Variants in HAO1 observed in about 807,000 individuals in gnomAD.
HAO1 encodes 2-Hydroxyacid oxidase 1.
A neutral mutation model predicts 39.7 loss-of-function variants in HAO1; 34 were observed. The observed-to-expected ratio is 0.86, with a 90% CI of 0.65 to 1.14. The LOEUF (loss-of-function observed/expected upper bound fraction) is 1.14, where lower values mean the gene tolerates loss of function less well. HAO1 is among the 50% of genes most tolerant of loss of function. HAO1 has a pLI of 0.00. For missense variants in HAO1, 479 were observed against 464.5 expected (o/e 1.03, Z -0.29); for synonymous variants, 172 against 173.2 (o/e 0.99, Z 0.05).
intron 2 of HAO1, among the ~76,000 whole-genome samples, chr20:7,920,695 G>T (rs2050327064): frequency 6.6e-6 from 1 of 151,952 alleles, no homozygotes; most frequent in African/African-American, 2.4e-5. Flanking sequence ...TATCCATGTT[G>T]TTACAGAATT....
chr20:7,928,593 A>T (rs2050371693), intron 2 of HAO1, among the ~76,000 whole-genome samples: 1 of 151,682 alleles, frequency 6.6e-6, no homozygotes, highest in Admixed American at 6.6e-5. Flanking sequence ...TATCACACCT[A>T]AGTTCTGTAA....
chr20:7,895,469 T>C (rs531770487), intron 4 of HAO1, among the ~76,000 whole-genome samples: 1 of 152,110 alleles, frequency 6.6e-6, no homozygotes, highest in African/African-American at 2.4e-5. Context: ...AAAGTATCAA[T>C]AGATAATACA....
intron 2 of HAO1, among the ~76,000 whole-genome samples, chr20:7,931,122 T>C (rs1175307165): frequency 1.3e-5 from 2 of 152,228 alleles, no homozygotes; most frequent in East Asian, 1.9e-4. Flanking sequence ...GAAACTCTGA[T>C]GTTGCTGCCC....
chr20:7,938,372 T>C (rs969544030), intron 1 of HAO1, among the ~76,000 whole-genome samples: 2 of 136,102 alleles, frequency 1.5e-5, no homozygotes, highest in Admixed American at 1.5e-4. Flanking sequence ...CAAAGAAAGT[T>C]GATTGATTTT....
intron 1 of HAO1, among the ~76,000 whole-genome samples, chr20:7,936,647 C>G (rs926753226): frequency 2.0e-5 from 3 of 151,922 alleles, no homozygotes; most frequent in African/African-American, 7.3e-5. Flanking sequence ...CAGACAGTGG[C>G]TTTACACTTG....
intron 2 of HAO1, among the ~76,000 whole-genome samples, chr20:7,915,686 T>G (rs1267178875): frequency 2.0e-5 from 3 of 152,226 alleles, no homozygotes; most frequent in African/African-American, 7.2e-5. Context: ...CTATTAATTC[T>G]GTTTCTCTGG....
chr20:7,913,176 T>G (rs1323133246), intron 3 of HAO1, among the ~76,000 whole-genome samples: 2 of 150,972 alleles, frequency 1.3e-5, no homozygotes, highest in African/African-American at 2.4e-5. Context: ...TTTTGTTTTT[T>G]TTTTTTTTTC....
At chr20:7,922,925 C>T (rs2050341314) in intron 2 of HAO1, among the ~76,000 whole-genome samples, 1 of 152,092 alleles carries the variant, frequency 6.6e-6, no homozygotes, top group Non-Finnish European at 1.5e-5. Flanking sequence ...GGGCTACGGC[C>T]AGTGGCATGA....
chr20:7,939,004 C>T (rs989418992), intron 1 of HAO1, among the ~76,000 whole-genome samples: 8 of 152,086 alleles, frequency 5.3e-5, no homozygotes, highest in African/African-American at 9.7e-5. Flanking sequence ...GTTGTAATAA[C>T]CTATTTGGGT....
At chr20:7,921,406 T>C (rs1435577439) in intron 2 of HAO1, among the ~76,000 whole-genome samples, 1 of 152,148 alleles carries the variant, frequency 6.6e-6, no homozygotes, top group African/African-American at 2.4e-5. Flanking sequence ...CACAATGATA[T>C]ACCATCTCAT....
intron 7 of HAO1, among the ~76,000 whole-genome samples, chr20:7,884,939 A>G (rs1453762649): frequency 6.6e-6 from 1 of 152,172 alleles, no homozygotes; most frequent in Non-Finnish European, 1.5e-5. Context: ...GGGATGAGAG[A>G]CAATGATGGC....
At chr20:7,921,592 C>A (rs545199791) in intron 2 of HAO1, among the ~76,000 whole-genome samples, 3 of 152,220 alleles carry the variant, frequency 2.0e-5, no homozygotes, top group African/African-American at 7.2e-5. Context: ...ATCCAGCAAT[C>A]CCACTAACTG....
At chr20:7,937,926 A>T (rs1318463230) in intron 1 of HAO1, among the ~76,000 whole-genome samples, 1 of 152,204 alleles carries the variant, frequency 6.6e-6, no homozygotes, top group East Asian at 1.9e-4. Context: ...TCTCCAAGCA[A>T]CTGCTGGGTC....
intron 4 of HAO1, among the ~76,000 whole-genome samples, chr20:7,898,439 C>A (rs1482980590): frequency 1.3e-5 from 2 of 152,110 alleles, no homozygotes; most frequent in Non-Finnish European, 2.9e-5. Flanking sequence ...TTGGTGTATA[C>A]ATATTTGCAT....
chr20:7,922,899 C>T (rs2050341101), intron 2 of HAO1, among the ~76,000 whole-genome samples: 1 of 152,094 alleles, frequency 6.6e-6, no homozygotes, highest in Non-Finnish European at 1.5e-5. Flanking sequence ...ATTCCCCCCA[C>T]TCCATCTCAA....
chr20:7,934,675 T>C, intron 1 of HAO1, 40 bp from the exon 2 acceptor site: 1 of 1,321,886 alleles, frequency 7.6e-7, no homozygotes, highest in Non-Finnish European at 1.0e-6. Context: ...GGCTTTAGAG[T>C]TTCAGAATCA....
chr20:7,895,111 C>T, intron 5 of HAO1, 22 bp downstream of exon 5: 1 of 1,487,342 alleles, frequency 6.7e-7, no homozygotes. Flanking sequence ...AAAAGGAAAT[C>T]TTAGCGTCTG....
chr20:7,902,684 A>G, intron 4 of HAO1, among the ~76,000 whole-genome samples: 1 of 152,188 alleles, frequency 6.6e-6, no homozygotes, highest in East Asian at 1.9e-4. Context: ...CCACAGTAGA[A>G]GTGAGACAGC....
intron 3 of HAO1, among the ~76,000 whole-genome samples, chr20:7,912,984 A>C (rs993197377): frequency 4.6e-5 from 7 of 152,168 alleles, no homozygotes; most frequent in African/African-American, 1.7e-4. Context: ...CTTATACAAG[A>C]CTGCAGCAAC....
Sources: gnomAD v4.1 joint callset for allele counts (sites outside exome capture counted in the v4.1 genomes callset) on GRCh38, gnomAD v4.1.1 for gene constraint, MANE v1.5 for transcripts, NCBI Gene and HGNC (gene_info 2026-07-23, HGNC 2026-07-21) for gene names.